TMEM201: variants seen among roughly 807,000 people sequenced by gnomAD.
TMEM201 encodes the protein RP13-15M17.2.
A neutral mutation model predicts 63.4 loss-of-function variants in TMEM201; 26 were observed. The ratio of observed to expected loss-of-function variants is 0.41; its 90% CI spans 0.30 to 0.57. The LOEUF is 0.57. TMEM201 is among the 20% of genes least tolerant of loss of function. TMEM201 has a pLI of 0.29. For missense variants in TMEM201, 794 were observed against 917.7 expected (o/e 0.87, Z 1.74); for synonymous variants, 417 against 421.6 (o/e 0.99, Z 0.14).
At chr1:9,600,495 A>T (rs1270939291) in intron 4 of TMEM201, among the ~76,000 whole-genome samples, 1 of 152,336 alleles carries the variant, frequency 6.6e-6, no homozygotes, top group African/African-American at 2.4e-5. Context: ...ATGCTCAGAT[A>T]CGCACATAAT....
Position 9,610,128 on chromosome 1 carries a change from C to T in TMEM201, c.1465+217C>T, listed in dbSNP as rs1049314755. 5.3e-5 allele frequency among the ~76,000 whole-genome samples: 8 copies of T among 152,176 alleles called. No homozygotes were observed. Among genetic ancestry groups the T allele is most frequent in the Non-Finnish European group, 1.2e-4 (8 of 68,028 alleles). On this transcript the variant is annotated intron_variant, in intron 8 of 10. Coordinates refer to ENST00000340381, the MANE Select transcript of TMEM201 (RefSeq NM_001130924.3). The surrounding 1 kb of genome is among the most constrained non-coding windows in gnomAD (Gnocchi z 4.9). ...ATCAGATGGTACCATGCTGCTCTGC[C>T]GTCCTCAGTGGCAGTCACGGCTGGA...
In TMEM201 at chr1:9,597,053, G is replaced by A. The variant is rs768822880; in HGVS notation, c.429G>A (p.Glu143=). 2 of 1,599,166 alleles carry A rather than the reference G, an allele frequency of 1.3e-6. No individual in the cohort carries two copies. The highest frequency in any genetic ancestry group is 2.2e-5 in the East Asian group (1 of 44,446). ...KQLAAFAPRE[E]GRYDEEVEVY... ...TGGCCGCCTTCGCTCCCCGCGAGGAGGTGAGGCCGGGTTGGGAGGGCAGGG... is the reference window on the plus strand; with the variant it reads ...TGGCCGCCTTCGCTCCCCGCGAGGAAGTGAGGCCGGGTTGGGAGGGCAGGG... Residue 143 remains glutamate (E), a splice_region_variant and synonymous_variant, in exon 3 of 11, where the codon GAG becomes GAA. Transcript: ENST00000340381.
chr1:9,602,857 A>G (rs1644172385), intron 6 of TMEM201: 1 of 985,654 alleles, frequency 1.0e-6, no homozygotes, highest in Non-Finnish European at 1.2e-6. Flanking sequence ...CCGGCCCTGC[A>G]GGAGGTGGTG....
chr1:9,597,419 C>G (rs1157464434), intron 3 of TMEM201, among the ~76,000 whole-genome samples: 1 of 152,232 alleles, frequency 6.6e-6, no homozygotes, highest in East Asian at 1.9e-4. Flanking sequence ...CCCTGTTGGA[C>G]CCACTCTGTC....
rs1045017558 is a variant in TMEM201, at chr1:9,613,024, G to C, written c.1942G>C (p.Val648Leu). ...TTCCCTGGTCCGGGGCCTCCTGGCC[G>C]TGAGCTTGGCCGCCAACGCCCTGTT... ...GPSLVRGLLAVSLAANALFTS... is the reference protein window; with the variant it reads ...GPSLVRGLLALSLAANALFTS... The change falls in exon 11 of 11, where the codon GTG becomes CTG. Residue 648 changes from valine (V) to leucine (L), a missense_variant. Val to Leu is a conservative substitution (Grantham distance 32, BLOSUM62 1). Transcript: ENST00000340381. 1 of 1,551,506 alleles carries C rather than the reference G, an allele frequency of 6.4e-7. No homozygotes were observed. Among genetic ancestry groups the C allele is most frequent in the Non-Finnish European group, 8.7e-7 (1 of 1,146,996 alleles).
chr1:9,611,118 CAAAGCATTTA>C, intron 9 of TMEM201: 1 of 1,339,798 alleles, frequency 7.5e-7, no homozygotes, highest in Non-Finnish European at 1.0e-6. Context: ...TGCTGTACTG[CAAAGCATTTA>C]AAATGTTTAT....
intron 10 of TMEM201, 74 bp downstream of exon 10, chr1:9,611,964 A>G (rs1644330705): frequency 6.9e-7 from 1 of 1,441,848 alleles, no homozygotes; most frequent in Admixed American, 2.7e-5. Flanking sequence ...AGGGGGGTCC[A>G]GAGCACTGAC....
intron 4 of TMEM201, 29 bp downstream of exon 4, chr1:9,598,654 T>A (rs1360687686): frequency 9.4e-6 from 15 of 1,593,178 alleles, no homozygotes; most frequent in Non-Finnish European, 1.3e-5. Context: ...AGGGCGGGGG[T>A]GGGGGTGTTG....
chr1:9,602,702 G>A, intron 6 of TMEM201: 1 of 1,065,784 alleles, frequency 9.4e-7, no homozygotes. Context: ...TCTGGCCTCT[G>A]CACAGGGGTG....
chr1:9,607,879 G>C lies in TMEM201; in HGVS notation c.1393+90G>C. 6 of 1,267,366 alleles carry C rather than the reference G, an allele frequency of 4.7e-6. No individual in the cohort carries two copies. Among genetic ancestry groups the C allele is most frequent in the Non-Finnish European group, 6.5e-6 (6 of 921,476 alleles). 78.5% of individuals were successfully genotyped at this position (1,267,366 alleles called of 1,614,324 possible). On this transcript the variant is annotated intron_variant, in intron 7 of 10. Coordinates refer to ENST00000340381, the MANE Select transcript of TMEM201 (RefSeq NM_001130924.3). The surrounding 1 kb of genome is among the most constrained non-coding windows in gnomAD (Gnocchi z 5.4). ...GGGTACATAGTGTAGGGAGGGCCGG[G>C]AGTGGTTAGTGTTCCTGCTGCAGAG... is the stretch of plus-strand genomic sequence containing the variant.
In TMEM201 at chr1:9,596,920, GCAGCGCGCC is replaced by G; in HGVS notation, c.301_309del (p.Ala101_Ser103del). The G allele has an allele frequency of 6.2e-7, 1 of 1,612,112 alleles. No individual in the cohort carries two copies. Among genetic ancestry groups the G allele is most frequent in the Non-Finnish European group, 8.5e-7 (1 of 1,179,100 alleles). ...TTGGAGCACCTGAACCACGTGGTGA[GCAGCGCGCC>G]CAGCCTGCGCGACCCTTCGCAGCCG... On this transcript the variant is annotated inframe_deletion, in exon 3 of 11. Coordinates refer to ENST00000340381, the MANE Select transcript of TMEM201 (RefSeq NM_001130924.3).
chr1:9,601,065 G>A (rs375911112), intron 4 of TMEM201, 40 bp from the exon 5 acceptor site: 1 of 1,538,972 alleles, frequency 6.5e-7, no homozygotes, highest in Non-Finnish European at 8.8e-7. Context: ...GGGTGGCTCT[G>A]TGGCCGTCTC....
In TMEM201 at chr1:9,609,748, A is replaced by C. The variant is rs2100521849; in HGVS notation, c.1394-92A>C. On this transcript the variant is annotated intron_variant, in intron 7 of 10. Transcript: ENST00000340381. Reference sequence around the variant, plus strand: ...CATGAAAGCACATTTGTAAAGAGCAAAGGCTGGATTGGGATTTCGGCAGAG... The same window carrying C: ...CATGAAAGCACATTTGTAAAGAGCACAGGCTGGATTGGGATTTCGGCAGAG... The C allele has an allele frequency of 2.4e-6, 3 of 1,275,196 alleles. No homozygotes were observed. The East Asian group carries it at 7.7e-5, about 33-fold the overall frequency. 79.0% of individuals were successfully genotyped at this position (1,275,196 alleles called of 1,614,324 possible).
At chr1:9,589,376 C>T (rs1643882983) in intron 1 of TMEM201, among the ~76,000 whole-genome samples, 1 of 152,176 alleles carries the variant, frequency 6.6e-6, no homozygotes, top group African/African-American at 2.4e-5. Context: ...CCCCGGTGCA[C>T]GGCGATGCTG....
chr1:9,604,050 A>G lies in TMEM201; in HGVS notation c.1160+1778A>G. ...TGCCTGTGCACTCACGCCACCCCCCAGCCCACAAAGAGCCCATCTGAGAGA... is the reference window on the plus strand; with the variant it reads ...TGCCTGTGCACTCACGCCACCCCCCGGCCCACAAAGAGCCCATCTGAGAGA... On this transcript the variant is annotated intron_variant, in intron 6 of 10. Coordinates refer to ENST00000340381, the MANE Select transcript of TMEM201 (RefSeq NM_001130924.3). This position sits in a 1 kb window ranked among gnomAD's most constrained non-coding sequence, Gnocchi z 4.1. The G allele has an allele frequency of 1.0e-6, 1 of 985,466 alleles. No homozygotes were observed. The highest frequency in any genetic ancestry group is 1.2e-6 in the Non-Finnish European group (1 of 829,950). 61.0% of individuals were successfully genotyped at this position (985,466 alleles called of 1,614,324 possible). A position where few individuals can be genotyped will look rare whatever the true frequency, so the allele number is the denominator to read the frequency against.
chr1:9,590,496 G>T (rs1486090379), intron 1 of TMEM201, among the ~76,000 whole-genome samples: 1 of 152,170 alleles, frequency 6.6e-6, no homozygotes, highest in Non-Finnish European at 1.5e-5. Context: ...GGACTGGGTG[G>T]CTCACTGTGC....
rs559772887 is a variant in TMEM201, at chr1:9,608,565, C to G, written c.1393+776C>G. ...CCCCCCTATTTTCAGGGCACCCCAG[C>G]CTGGTGGCACTTGAATGGAACTTGG... On this transcript the variant is annotated intron_variant, in intron 7 of 10. Coordinates refer to ENST00000340381, the MANE Select transcript of TMEM201 (RefSeq NM_001130924.3). The surrounding 1 kb of genome is among the most constrained non-coding windows in gnomAD (Gnocchi z 4.3). Among the ~76,000 whole-genome samples, 11 of 152,326 alleles carry G rather than the reference C, an allele frequency of 7.2e-5. No homozygotes were observed. Among genetic ancestry groups the G allele is most frequent in the African/African-American group, 2.4e-4 (10 of 41,560 alleles).
At chr1:9,602,431 A>G (rs1412993117) in intron 6 of TMEM201, 159 bp downstream of exon 6, 1 of 1,365,268 alleles carries the variant, frequency 7.3e-7, no homozygotes, top group African/African-American at 2.2e-5. Flanking sequence ...CAGTCCCTCC[A>G]CTGCCTCGAA....
chr1:9,601,132 G>T lies in TMEM201; in HGVS notation c.634G>T (p.Val212Phe). The part of the protein sequence containing the change: ...QNFSSAVKSP[V>F]QVILLRALAF... Reference sequence around the variant, plus strand: ...CTTCTCCTCCGCCGTGAAGTCCCCGGTCCAGGTCATCCTGCTCCGTGCCCT... The same window carrying T: ...CTTCTCCTCCGCCGTGAAGTCCCCGTTCCAGGTCATCCTGCTCCGTGCCCT... The change falls in exon 5 of 11, where the codon GTC (valine) becomes TTC (phenylalanine). Residue 212 changes from valine to phenylalanine, a missense_variant. Physicochemically the swap from Val to Phe is conservative, Grantham distance 50. Transcript: ENST00000340381. 6.3e-7 allele frequency: 1 copy of T among 1,597,296 alleles called. No individual in the cohort carries two copies.
Sources: allele counts gnomAD v4.1 joint callset (sites outside exome capture counted in the v4.1 genomes callset), GRCh38; gene constraint gnomAD v4.1.1; non-coding constraint Gnocchi (gnomAD v3.1); transcripts MANE v1.5; gene names NCBI Gene and HGNC (gene_info 2026-07-23, HGNC 2026-07-21).